Variants in KANTR observed in about 807,000 individuals in gnomAD.
KANTR encodes the protein KDM5C adjacent transcript.
At chrX:53,135,374 C>G (rs1933408326) in intron 2 of KANTR, among the ~76,000 whole-genome samples, 1 of 111,722 alleles carries the variant, frequency 9.0e-6, no homozygotes, top group South Asian at 3.7e-4. Flanking sequence ...GCCACACTCT[C>G]CCTCCTTTTG....
At chrX:53,110,992 T>C (rs1602118143) in intron 2 of KANTR, among the ~76,000 whole-genome samples, 1 of 109,363 alleles carries the variant, frequency 9.1e-6, no homozygotes, top group Non-Finnish European at 1.9e-5. Flanking sequence ...ATGACTGATA[T>C]TACTTCTTTA....
At chrX:53,142,789 A>C, downstream of KANTR, 1 of 468,083 alleles carries the variant, frequency 2.1e-6, no homozygotes, top group South Asian at 2.7e-5. Flanking sequence ...CTCATCATAC[A>C]TACCTGATGG....
intron 2 of KANTR, among the ~76,000 whole-genome samples, chrX:53,119,822 C>T (rs1024642530): frequency 4.6e-5 from 5 of 109,062 alleles, no homozygotes; most frequent in Admixed American, 9.8e-5. Context: ...TGGGCTCAAG[C>T]GGTCCTCCCA....
chrX:53,125,583 C>T (rs1439720480), exon 3 of KANTR: 4 of 110,740 alleles, frequency 3.6e-5, no homozygotes, highest in African/African-American at 1.3e-4. Context: ...TTGATGTTTT[C>T]CATATGTGTT....
chrX:53,115,844 C>T (rs1463299131), intron 2 of KANTR, among the ~76,000 whole-genome samples: 1 of 112,455 alleles, frequency 8.9e-6, no homozygotes, highest in Non-Finnish European at 1.9e-5. Flanking sequence ...TGTCAACTCT[C>T]ACCTGGTTTC....
At position 53,122,567 on chromosome X, in the gene KANTR, TA is replaced by T. The variant is rs781964736; in HGVS notation, c.-804-901del. ...ATTAAGAATGATACTGTATTTGCTATAGATTTCCTACGGGTTTTATCAGGTT... is the reference window on the plus strand; with the variant it reads ...ATTAAGAATGATACTGTATTTGCTATGATTTCCTACGGGTTTTATCAGGTT... On this transcript the variant is annotated intron_variant, in intron 2 of 2. Coordinates refer to ENST00000604062, the Ensembl canonical transcript of KANTR. Among the ~76,000 whole-genome samples the T allele has an allele frequency of 1.3e-4, 14 of 111,858 alleles. No individual in the cohort carries two copies. The South Asian group carries it at 4.9e-3, about 39-fold the overall frequency.
downstream of KANTR, among the ~76,000 whole-genome samples, chrX:53,146,756 G>C (rs1933582023): frequency 8.9e-6 from 1 of 112,242 alleles, no homozygotes; most frequent in Non-Finnish European, 1.9e-5. Context: ...AAGCCCATCA[G>C]ACTAACAGCT....
downstream of KANTR, chrX:53,127,594 C>T (rs1217774746): frequency 9.0e-6 from 1 of 111,455 alleles, no homozygotes; most frequent in Non-Finnish European, 1.9e-5. Flanking sequence ...GAGGATAGCT[C>T]CTGGGTTCTT....
chrX:53,147,268 G>A (rs182520119), downstream of KANTR, among the ~76,000 whole-genome samples: 17 of 111,789 alleles, frequency 1.5e-4, no homozygotes, highest in Non-Finnish European at 3.0e-4. Context: ...AAGGGATGGA[G>A]GAAGACCTAC....
intron 2 of KANTR, among the ~76,000 whole-genome samples, chrX:53,121,612 G>A (rs73634284): frequency 1.0e-5 from 1 of 96,539 alleles, no homozygotes; most frequent in Non-Finnish European, 2.1e-5. Flanking sequence ...TTTTTTTTTT[G>A]TTTGTTTGTT....
chrX:53,120,100 A>G (rs1286481375), intron 2 of KANTR, among the ~76,000 whole-genome samples: 4 of 109,898 alleles, frequency 3.6e-5, no homozygotes, highest in African/African-American at 1.0e-4. Flanking sequence ...GCAGTGGTAC[A>G]GTAAGTTCAC....
At chrX:53,140,738 GTGCCC>G (rs1933490819) in intron 2 of KANTR, among the ~76,000 whole-genome samples, 1 of 111,444 alleles carries the variant, frequency 9.0e-6, no homozygotes, top group Non-Finnish European at 1.9e-5. Flanking sequence ...CCTAGTCTGT[GTGCCC>G]AGGTACCTGA....
chrX:53,106,709 A>G (rs991269722), intron 2 of KANTR, among the ~76,000 whole-genome samples: 4 of 110,664 alleles, frequency 3.6e-5, no homozygotes. Flanking sequence ...TTTTGAGTTA[A>G]TATTTGTGTA....
intron 1 of KANTR, among the ~76,000 whole-genome samples, chrX:53,095,108 A>G (rs1932836754): frequency 8.9e-6 from 1 of 112,391 alleles, no homozygotes; most frequent in Non-Finnish European, 1.9e-5. Context: ...TTCTGGTGTC[A>G]TTGAAGAGAG....
chrX:53,108,352 C>T (rs1210391679), intron 2 of KANTR, among the ~76,000 whole-genome samples: 1 of 109,430 alleles, frequency 9.1e-6, no homozygotes, highest in Non-Finnish European at 1.9e-5. Flanking sequence ...CAGGTGCATA[C>T]TACCACACCC....
downstream of KANTR, chrX:53,143,369 C>T: frequency 1.4e-6 from 1 of 740,114 alleles, no homozygotes; most frequent in Non-Finnish European, 2.0e-6. Context: ...AGGTCCTGGC[C>T]AGCCAGGTCC....
At chrX:53,137,064 A>G (rs1400231541) in intron 2 of KANTR, among the ~76,000 whole-genome samples, 3 of 109,749 alleles carry the variant, frequency 2.7e-5, no homozygotes, top group Non-Finnish European at 5.7e-5. Context: ...TTGATGTTGA[A>G]CCATAACATT....
intron 1 of KANTR, among the ~76,000 whole-genome samples, chrX:53,097,350 G>GTTTTGT (rs1932852244): frequency 1.5e-5 from 1 of 67,978 alleles, no homozygotes; most frequent in African/African-American, 5.3e-5. Context: ...TTTGTTTTAA[G>GTTTTGT]TTTTTTTTTT....
chrX:53,145,183 C>G (rs894889068), downstream of KANTR, among the ~76,000 whole-genome samples: 1 of 111,134 alleles, frequency 9.0e-6, no homozygotes, highest in South Asian at 3.8e-4. Context: ...GTGCACTGAG[C>G]GTGAGCCAAA....
Sources: allele counts gnomAD v4.1 joint callset (sites outside exome capture counted in the v4.1 genomes callset), GRCh38; gene constraint gnomAD v4.1.1; transcripts MANE v1.5; gene names NCBI Gene and HGNC (gene_info 2026-07-23, HGNC 2026-07-21).